LUZP2: variants seen among roughly 807,000 people sequenced by gnomAD.
LUZP2 encodes the protein leucine zipper protein 2.
Under a neutral mutation model 51.6 loss-of-function variants are expected in LUZP2, and 52 were observed. The ratio of observed to expected loss-of-function variants is 1.01; its 90% confidence interval spans 0.81 to 1.27. The LOEUF is 1.27. Among genes scored for constraint, LUZP2 ranks in the 50% most tolerant of loss-of-function variants. The pLI, the probability that LUZP2 is intolerant of heterozygous loss-of-function variation, is 0.00. For synonymous variants in LUZP2, 154 were observed against 137.3 expected (o/e 1.12, Z -0.85); for missense variants, 436 against 395.4 (o/e 1.10, Z -0.87).
chr11:25,000,333 T>G (rs944542348), intron 9 of LUZP2, among the ~76,000 whole-genome samples: 2 of 152,148 alleles, frequency 1.3e-5, no homozygotes, highest in Non-Finnish European at 2.9e-5. Context: ...GGAATTTGGC[T>G]GATGACTGCT....
Position 24,825,185 on chromosome 11 carries a change from G to A in LUZP2, c.396+61877G>A, listed in dbSNP as rs180818068. Among the ~76,000 whole-genome samples, 5 of 152,088 alleles carry A rather than the reference G, an allele frequency of 3.3e-5. No individual in the cohort carries two copies. The East Asian group carries it at 7.7e-4, about 24-fold the overall frequency. On this transcript the variant is annotated intron_variant, in intron 5 of 11. Coordinates refer to ENST00000336930, the MANE Select transcript of LUZP2 (RefSeq NM_001009909.4). ...ATTTAATTCTAATGTAAATACTCAG[G>A]TTTTAAAAAAATTATGTTTCCATGA...
At chr11:24,877,540 T>A (rs1309991078) in intron 5 of LUZP2, among the ~76,000 whole-genome samples, 1 of 152,162 alleles carries the variant, frequency 6.6e-6, no homozygotes, top group Non-Finnish European at 1.5e-5. Context: ...AGTAATCACA[T>A]CATGGAAAAT....
At chr11:24,744,960 C>G (rs1221674629) in intron 4 of LUZP2, among the ~76,000 whole-genome samples, 1 of 152,076 alleles carries the variant, frequency 6.6e-6, no homozygotes, top group Non-Finnish European at 1.5e-5. Flanking sequence ...TGATTTCATT[C>G]TTGTCCCAGT....
At chr11:24,511,167 C>G (rs1429580818) in intron 1 of LUZP2, among the ~76,000 whole-genome samples, 1 of 152,092 alleles carries the variant, frequency 6.6e-6, no homozygotes. Context: ...TTATGTAATT[C>G]TCTGCTATGT....
chr11:24,907,042 T>C (rs953255357), intron 6 of LUZP2, among the ~76,000 whole-genome samples: 4 of 152,186 alleles, frequency 2.6e-5, no homozygotes, highest in African/African-American at 7.2e-5. Flanking sequence ...TTTCTGCCAC[T>C]ATCCTCTTCC....
rs576294190 is a variant in LUZP2 at position 24,933,898 on chromosome 11, G to A, written c.522+19360G>A. 1.6e-3 allele frequency among the ~76,000 whole-genome samples: 250 copies of A among 152,196 alleles called. 3 individuals are homozygous for A. The South Asian group carries it at 0.019, about 11-fold the overall frequency. Reference sequence around the variant, plus strand: ...AGGAGCAATTTTCTGTGGGCAGGGGGTGGATCTTACAAAATACATTTTCAA... The same window carrying A: ...AGGAGCAATTTTCTGTGGGCAGGGGATGGATCTTACAAAATACATTTTCAA... On this transcript the variant is annotated intron_variant, in intron 7 of 11. Coordinates refer to ENST00000336930, the MANE Select transcript of LUZP2 (RefSeq NM_001009909.4).
At chr11:24,505,049 G>A (rs1316289310) in intron 1 of LUZP2, among the ~76,000 whole-genome samples, 1 of 152,120 alleles carries the variant, frequency 6.6e-6, no homozygotes, top group East Asian at 1.9e-4. Context: ...AAGACTGAAA[G>A]TGGGCAGTGA....
At chr11:24,717,492 C>G (rs1590392498) in intron 1 of LUZP2, among the ~76,000 whole-genome samples, 1 of 150,780 alleles carries the variant, frequency 6.6e-6, no homozygotes, top group African/African-American at 2.4e-5. Context: ...ACTGCAAGCT[C>G]CGACCCCCGA....
At chr11:24,565,847 T>C (rs898686115) in intron 1 of LUZP2, among the ~76,000 whole-genome samples, 3 of 152,182 alleles carry the variant, frequency 2.0e-5, no homozygotes, top group Admixed American at 2.0e-4. Context: ...GTGGTTTCTT[T>C]ATAGCATTAA....
chr11:24,696,908 T>C (rs1449189029), intron 1 of LUZP2, among the ~76,000 whole-genome samples: 1 of 152,056 alleles, frequency 6.6e-6, no homozygotes, highest in African/African-American at 2.4e-5. Context: ...TAGCTATGCA[T>C]GGATGAAGAA....
intron 8 of LUZP2, among the ~76,000 whole-genome samples, chr11:24,977,867 T>TCTC (rs1855923847): frequency 6.6e-6 from 1 of 150,664 alleles, no homozygotes; most frequent in African/African-American, 2.5e-5. Context: ...TATGTTTCTC[T>TCTC]CTATCTGCTT....
At chr11:24,561,088 C>A (rs1391784989) in intron 1 of LUZP2, among the ~76,000 whole-genome samples, 1 of 152,144 alleles carries the variant, frequency 6.6e-6, no homozygotes, top group Middle Eastern at 3.2e-3. Context: ...TTGAAAAATT[C>A]TAAAACCTTT....
chr11:24,598,366 G>T (rs1441807154), intron 1 of LUZP2, among the ~76,000 whole-genome samples: 1 of 152,012 alleles, frequency 6.6e-6, no homozygotes, highest in East Asian at 1.9e-4. Flanking sequence ...GCCTTATTTT[G>T]TCAGAAACTT....
chr11:24,755,037 C>T (rs1281002757), intron 4 of LUZP2, among the ~76,000 whole-genome samples: 1 of 151,612 alleles, frequency 6.6e-6, no homozygotes, highest in African/African-American at 2.4e-5. Flanking sequence ...CCCAGCTACT[C>T]GGGAGACTGA....
chr11:24,794,148 T>A (rs1849483816), intron 5 of LUZP2, among the ~76,000 whole-genome samples: 1 of 152,118 alleles, frequency 6.6e-6, no homozygotes, highest in Non-Finnish European at 1.5e-5. Context: ...TTGTTAGCCT[T>A]GTCAGATCTC....
intron 1 of LUZP2, among the ~76,000 whole-genome samples, chr11:24,568,276 C>G (rs1852309689): frequency 6.7e-6 from 1 of 148,432 alleles, no homozygotes; most frequent in Non-Finnish European, 1.5e-5. Context: ...ATGAGAATTG[C>G]TTGAACCCAG....
At chr11:24,558,876 C>T (rs187598534) in intron 1 of LUZP2, among the ~76,000 whole-genome samples, 30 of 152,206 alleles carry the variant, frequency 2.0e-4, no homozygotes, top group Non-Finnish European at 3.7e-4. Context: ...CTGATGATGG[C>T]TTGATCTTGG....
chr11:24,796,004 C>T (rs1849535963), intron 5 of LUZP2, among the ~76,000 whole-genome samples: 1 of 152,016 alleles, frequency 6.6e-6, no homozygotes, highest in Non-Finnish European at 1.5e-5. Flanking sequence ...ACAGTTTTAC[C>T]TTTAGATACT....
At chr11:24,535,780 C>G (rs944175524) in intron 1 of LUZP2, among the ~76,000 whole-genome samples, 23 of 151,644 alleles carry the variant, frequency 1.5e-4, no homozygotes, top group Non-Finnish European at 2.8e-4. Context: ...TTTGACCTCC[C>G]CACTGTGACT....
Sources: gnomAD v4.1 joint callset for allele counts (sites outside exome capture counted in the v4.1 genomes callset) on GRCh38, gnomAD v4.1.1 for gene constraint, MANE v1.5 for transcripts, NCBI Gene and HGNC (gene_info 2026-07-23, HGNC 2026-07-21) for gene names.